GXYLT2: variants seen among roughly 807,000 people sequenced by gnomAD.
GXYLT2 encodes the protein glycosyltransferase 8 domain containing 4.
A neutral mutation model predicts 45.8 loss-of-function variants in GXYLT2; 53 were observed. That is an observed-to-expected ratio of 1.16 (90% CI 0.93 to 1.46). The LOEUF is 1.46. Among genes scored for constraint, GXYLT2 ranks in the 40% most tolerant of loss-of-function variants. The pLI is 0.00. For missense variants in GXYLT2, 551 were observed against 544.4 expected, an observed-to-expected ratio of 1.01 and a Z score of -0.12; for synonymous variants, 219 against 214.2, an observed-to-expected ratio of 1.02 and a Z score of -0.19.
intron 6 of GXYLT2, among the ~76,000 whole-genome samples, chr3:72,968,351 A>T (rs971564466): frequency 6.6e-6 from 1 of 152,234 alleles, no homozygotes; most frequent in East Asian, 1.9e-4. Context: ...AGATTAGACA[A>T]TAAAAAGAAA....
rs371456382 is a variant in GXYLT2, at chr3:72,910,901, A to G, written c.468+2342A>G. 7.2e-5 allele frequency among the ~76,000 whole-genome samples: 11 copies of G among 152,312 alleles called. No homozygotes were observed. The South Asian group carries it at 2.3e-3, about 32-fold the overall frequency. ...GCAAACACTACTCATGTCTTGTACA[A>G]TATCTGTCTACCCAGTACTTAATGA... On this transcript the variant is annotated intron_variant, in intron 2 of 6. Coordinates refer to ENST00000389617, the MANE Select transcript of GXYLT2 (RefSeq NM_001080393.2).
At chr3:72,913,707 A>T (rs1455881154) in intron 2 of GXYLT2, among the ~76,000 whole-genome samples, 1 of 152,032 alleles carries the variant, frequency 6.6e-6, no homozygotes, top group African/African-American at 2.4e-5. Context: ...AAAATAAATA[A>T]ATAAAAATAA....
At chr3:72,968,964 G>A (rs181855946) in intron 6 of GXYLT2, among the ~76,000 whole-genome samples, 51 of 152,116 alleles carry the variant, frequency 3.4e-4, no homozygotes, top group Admixed American at 1.2e-3. Context: ...CCAGCTACTC[G>A]GGAGGCTGAG....
At chr3:72,961,185 G>A (rs1167689288) in intron 5 of GXYLT2, among the ~76,000 whole-genome samples, 1 of 152,120 alleles carries the variant, frequency 6.6e-6, no homozygotes, top group East Asian at 1.9e-4. Flanking sequence ...GCTTCATCAA[G>A]GGGTGGAAAA....
chr3:72,975,031 T>G lies in GXYLT2; in HGVS notation c.1204T>G (p.Phe402Val), dbSNP rs749447249. 13 of 1,610,602 alleles carry G rather than the reference T, an allele frequency of 8.1e-6. No individual in the cohort carries two copies. Among genetic ancestry groups the G allele is most frequent in the Non-Finnish European group, 1.0e-5 (12 of 1,177,872 alleles). The change falls in exon 7 of 7, where the codon TTT becomes GTT. Residue 402 changes from phenylalanine (F) to valine (V), a missense_variant. Phe to Val is a conservative substitution (Grantham distance 50, BLOSUM62 -1). Transcript: ENST00000389617. ...QSMYYPLQLK[F>V]LETVHTLCGR... ...CATGTATTACCCCCTTCAGCTGAAG[T>G]TTTTGGAGACTGTGCACACTTTATG...
Position 72,955,201 on chromosome 3 carries a change from C to G in GXYLT2, c.704C>G (p.Thr235Ser), listed in dbSNP as rs1226373692. ...AAGCTTCTGAGGCTGTTTAATTCCA[C>G]CCAGCTTGCAGCCATGGCCCCTGAG... The part of the protein sequence containing the change: ...IWKLLRLFNS[T>S]QLAAMAPEHE... The change falls in exon 4 of 7, where the codon ACC (threonine) becomes AGC (serine). Residue 235 changes from threonine to serine, a missense_variant. Coordinates refer to ENST00000389617, the MANE Select transcript of GXYLT2 (RefSeq NM_001080393.2). 8 of 1,613,894 alleles carry G rather than the reference C, an allele frequency of 5.0e-6. No homozygotes were observed. Among genetic ancestry groups the G allele is most frequent in the Non-Finnish European group, 6.8e-6 (8 of 1,179,900 alleles).
chr3:72,952,871 G>A (rs1710552920), intron 3 of GXYLT2, among the ~76,000 whole-genome samples: 1 of 152,084 alleles, frequency 6.6e-6, no homozygotes, highest in African/African-American at 2.4e-5. Flanking sequence ...ACATATGAAT[G>A]TTGGGGACAC....
intron 5 of GXYLT2, among the ~76,000 whole-genome samples, chr3:72,963,883 C>A (rs1419676767): frequency 6.6e-6 from 1 of 152,116 alleles, no homozygotes; most frequent in Admixed American, 6.5e-5. Context: ...CCATGTTGGT[C>A]AGGCTGGTCT....
chr3:72,910,756 A>G (rs558163455), intron 2 of GXYLT2, among the ~76,000 whole-genome samples: 1 of 152,196 alleles, frequency 6.6e-6, no homozygotes, highest in Non-Finnish European at 1.5e-5. Context: ...TCATTCCCTC[A>G]GTGTGGCAGT....
chr3:72,931,355 G>A (rs1710031894), intron 3 of GXYLT2, among the ~76,000 whole-genome samples: 1 of 151,598 alleles, frequency 6.6e-6, no homozygotes, highest in Non-Finnish European at 1.5e-5. Flanking sequence ...TCAGCTTGCC[G>A]AGTAGCTGGG....
chr3:72,890,830 AG>A (rs1412987014), intron 1 of GXYLT2, among the ~76,000 whole-genome samples: 1 of 152,178 alleles, frequency 6.6e-6, no homozygotes, highest in Non-Finnish European at 1.5e-5. Context: ...CATATCTCTT[AG>A]ATTATCGTGG....
chr3:72,915,666 G>A (rs553186699), intron 2 of GXYLT2, among the ~76,000 whole-genome samples: 5 of 152,058 alleles, frequency 3.3e-5, no homozygotes, highest in Admixed American at 2.0e-4. Flanking sequence ...GTGAAACCCC[G>A]TCTCTACTAA....
At chr3:72,923,260 A>C (rs1255611292) in intron 3 of GXYLT2, among the ~76,000 whole-genome samples, 1 of 151,814 alleles carries the variant, frequency 6.6e-6, no homozygotes, top group Non-Finnish European at 1.5e-5. Context: ...CATCTCAAAA[A>C]AAAAATTACC....
chr3:72,962,122 G>A (rs1468360177), intron 5 of GXYLT2, among the ~76,000 whole-genome samples: 4 of 152,126 alleles, frequency 2.6e-5, no homozygotes, highest in East Asian at 1.9e-4. Flanking sequence ...GCCCTTGAGC[G>A]TGCAACCACA....
At chr3:72,914,799 A>G (rs559141069) in intron 2 of GXYLT2, among the ~76,000 whole-genome samples, 1 of 152,236 alleles carries the variant, frequency 6.6e-6, no homozygotes, top group South Asian at 2.1e-4. Flanking sequence ...CTCAAGCTGG[A>G]TCAGGGCATG....
chr3:72,912,191 G>A (rs529306858), intron 2 of GXYLT2, among the ~76,000 whole-genome samples: 8 of 151,828 alleles, frequency 5.3e-5, no homozygotes, highest in Non-Finnish European at 1.0e-4. Flanking sequence ...TGTATTTTTA[G>A]TAGAGACAGG....
At chr3:72,929,471 G>A in intron 3 of GXYLT2, 1 of 1,513,914 alleles carries the variant, frequency 6.6e-7, no homozygotes, top group Non-Finnish European at 9.1e-7. Context: ...TGAATGAGCA[G>A]GTGAAAGCCA....
chr3:72,959,615 T>C (rs1710730658), intron 5 of GXYLT2, among the ~76,000 whole-genome samples: 1 of 151,860 alleles, frequency 6.6e-6, no homozygotes, highest in African/African-American at 2.4e-5. Context: ...CATCTCTTCC[T>C]TTTTCTTCTT....
At chr3:72,898,950 T>C (rs1366305267) in intron 1 of GXYLT2, among the ~76,000 whole-genome samples, 1 of 151,998 alleles carries the variant, frequency 6.6e-6, no homozygotes, top group African/African-American at 2.4e-5. Flanking sequence ...AGGCTGGTCT[T>C]GAACTCCCGA....
Sources: gnomAD v4.1 joint callset for allele counts (sites outside exome capture counted in the v4.1 genomes callset) on GRCh38, gnomAD v4.1.1 for gene constraint, MANE v1.5 for transcripts, NCBI Gene and HGNC (gene_info 2026-07-23, HGNC 2026-07-21) for gene names.